The following THSD1 variants were observed in gnomAD, a reference collection of about 807,000 sequenced individuals.
THSD1 encodes the protein thrombospondin type-1 domain-containing protein 1.
In THSD1, 34 loss-of-function variants were observed where a neutral mutation model predicts 46.3. The ratio of observed to expected loss-of-function variants is 0.74; its 90% CI spans 0.56 to 0.98. The LOEUF (loss-of-function observed/expected upper bound fraction) is 0.98, where lower values mean the gene tolerates loss of function less well. THSD1 is among the 50% of genes least tolerant of loss of function. The pLI is 0.00. For missense variants in THSD1, 1,023 were observed against 1,058.3 expected (o/e 0.97, Z 0.46); for synonymous variants, 407 against 416.5 (o/e 0.98, Z 0.28).
chr13:52,380,201 C>A (rs887054285), intron 4 of THSD1, among the ~76,000 whole-genome samples: 1 of 152,104 alleles, frequency 6.6e-6, no homozygotes, highest in African/African-American at 2.4e-5. Context: ...ACCAAAACAC[C>A]TGGAAACCTG....
chr13:52,382,782 C>G (rs948140461), intron 4 of THSD1, among the ~76,000 whole-genome samples: 2 of 152,110 alleles, frequency 1.3e-5, no homozygotes, highest in Non-Finnish European at 2.9e-5. Context: ...GGGTGGATCA[C>G]TTGAGGCCAG....
chr13:52,385,000 T>C (rs1280274260), intron 4 of THSD1, among the ~76,000 whole-genome samples: 1 of 151,894 alleles, frequency 6.6e-6, no homozygotes, highest in Non-Finnish European at 1.5e-5. Flanking sequence ...ACAGAGCCTA[T>C]GATACTGGCT....
chr13:52,396,439 A>G (rs984910670), intron 3 of THSD1, among the ~76,000 whole-genome samples: 8 of 151,988 alleles, frequency 5.3e-5, no homozygotes, highest in Non-Finnish European at 8.8e-5. Context: ...GGAGAATGGC[A>G]TGAACCCGGG....
At chr13:52,382,263 G>C (rs1392044622) in intron 4 of THSD1, among the ~76,000 whole-genome samples, 1 of 152,136 alleles carries the variant, frequency 6.6e-6, no homozygotes, top group Non-Finnish European at 1.5e-5. Context: ...ACAGTTGCCA[G>C]TACTAAAATC....
intron 3 of THSD1, among the ~76,000 whole-genome samples, chr13:52,388,729 C>A (rs1480660625): frequency 6.6e-6 from 1 of 152,170 alleles, no homozygotes; most frequent in African/African-American, 2.4e-5. Flanking sequence ...GATCTGCCCA[C>A]CTCGGCCTCC....
intron 1 of THSD1, among the ~76,000 whole-genome samples, chr13:52,404,089 A>G (rs1957888422): frequency 1.3e-5 from 2 of 152,006 alleles, no homozygotes; most frequent in Admixed American, 6.6e-5. Flanking sequence ...CGGGGATTAT[A>G]GGTGTGCACC....
chr13:52,385,983 T>C, intron 4 of THSD1, 45 bp downstream of exon 4: 1 of 1,582,554 alleles, frequency 6.3e-7, no homozygotes, highest in South Asian at 1.1e-5. Flanking sequence ...TTCCTTCTGA[T>C]GAAGGCTCTG....
In THSD1 at chr13:52,378,545, G is replaced by A. The variant is rs9536043; in HGVS notation, c.1425C>T (p.Arg475=). 82,285 of 1,614,084 alleles carry A rather than the reference G, an allele frequency of 0.051. 2,401 individuals are homozygous for A. Among genetic ancestry groups the A allele is most frequent in the African/African-American group, 0.092 (6,890 of 75,002 alleles). The change falls in exon 5 of 5, where the codon CGC becomes CGT. Residue 475 remains arginine (R), a synonymous_variant. Coordinates refer to ENST00000258613, the MANE Select transcript of THSD1 (RefSeq NM_018676.4). ...EENICELSEQ[R]GSFSDGGDGP... ...CGTCTCCCCCATCCGAGAAGCTCCCGCGCTGCTCGCTCAGCTCGCAGATAT... is the reference window on the plus strand; with the variant it reads ...CGTCTCCCCCATCCGAGAAGCTCCCACGCTGCTCGCTCAGCTCGCAGATAT...
At chr13:52,399,119 T>G (rs1176591539) in intron 2 of THSD1, among the ~76,000 whole-genome samples, 1 of 152,226 alleles carries the variant, frequency 6.6e-6, no homozygotes, top group Non-Finnish European at 1.5e-5. Flanking sequence ...CCTTGGCAAT[T>G]TAATGACATT....
At chr13:52,399,793 G>T (rs1957840066) in intron 2 of THSD1, among the ~76,000 whole-genome samples, 1 of 152,170 alleles carries the variant, frequency 6.6e-6, no homozygotes, top group Non-Finnish European at 1.5e-5. Flanking sequence ...GGCTGATTCT[G>T]GTGCAGCTTG....
chr13:52,386,235 G>C (rs372023350), intron 3 of THSD1, 49 bp from the exon 4 acceptor site: 1 of 1,563,496 alleles, frequency 6.4e-7, no homozygotes, highest in African/African-American at 1.4e-5. Context: ...TTGAGAATCA[G>C]TATTTAACTG....
intron 3 of THSD1, among the ~76,000 whole-genome samples, chr13:52,389,419 A>C (rs1957757046): frequency 6.6e-6 from 1 of 152,228 alleles, no homozygotes; most frequent in African/African-American, 2.4e-5. Context: ...CCAACCATAT[A>C]ATGATAAAAC....
intron 2 of THSD1, 69 bp downstream of exon 2, chr13:52,402,474 A>T (rs1594105360): frequency 6.8e-7 from 1 of 1,469,840 alleles, no homozygotes; most frequent in East Asian, 2.3e-5. Context: ...CATCAACATC[A>T]ATGCATTTAT....
intron 4 of THSD1, among the ~76,000 whole-genome samples, chr13:52,379,654 T>C (rs1380647041): frequency 6.6e-6 from 1 of 152,010 alleles, no homozygotes; most frequent in African/African-American, 2.4e-5. Flanking sequence ...TTTTAATTTT[T>C]AGTAAAAACA....
At chr13:52,390,286 T>C (rs1436744815) in intron 3 of THSD1, among the ~76,000 whole-genome samples, 2 of 152,216 alleles carry the variant, frequency 1.3e-5, no homozygotes, top group South Asian at 2.1e-4. Flanking sequence ...AAACTTCTAA[T>C]GCAGCCAAAG....
chr13:52,377,594 A>G lies in THSD1; in HGVS notation c.2376T>C (p.Pro792=), dbSNP rs1231817164. ...GACACTTGTCTTTTCTACACTGAGA[A>G]GGGCTCAGAGAACTGACCCTCTGGT... ...DNYQRVSSLS[P]SQCRKDKCQS... Residue 792 remains proline, a synonymous_variant, in exon 5 of 5, where the codon CCT becomes CCC. Transcript: ENST00000258613. 1 of 1,602,986 alleles carries G rather than the reference A, an allele frequency of 6.2e-7. No homozygotes were observed. The highest frequency in any genetic ancestry group is 1.3e-5 in the African/African-American group (1 of 74,728).
rs1957643439 is a variant in THSD1 at position 52,377,625 on chromosome 13, T to C, written c.2345A>G (p.Asp782Gly). ...CAGAGAACTGACCCTCTGGTAGTTATCTTTGGGGGATATGGGAGAAGACTG... is the reference window on the plus strand; with the variant it reads ...CAGAGAACTGACCCTCTGGTAGTTACCTTTGGGGGATATGGGAGAAGACTG... Reference protein sequence around the residue: ...RKQSSPISPKDNYQRVSSLSP... With the variant: ...RKQSSPISPKGNYQRVSSLSP... The change falls in exon 5 of 5, where the codon GAT (aspartate) becomes GGT (glycine). Residue 782 changes from aspartate (D) to glycine (G), a missense_variant. Asp to Gly is a moderately conservative substitution (Grantham distance 94). This residue lies in a region of THSD1 where 578 missense variants were observed against 497.4 expected (regional missense o/e 1.16). Transcript: ENST00000258613. The C allele has an allele frequency of 6.2e-7, 1 of 1,609,708 alleles. No homozygotes were observed. Among genetic ancestry groups the C allele is most frequent in the Admixed American group, 1.7e-5 (1 of 59,900 alleles).
chr13:52,384,554 G>A lies in THSD1; in HGVS notation c.1180+1474C>T, dbSNP rs74085750. Among the ~76,000 whole-genome samples the A allele has an allele frequency of 8.9e-3, 1,354 of 152,342 alleles. 18 individuals are homozygous for A. The highest frequency in any genetic ancestry group is 0.031 in the African/African-American group (1,294 of 41,566). ...TACCTACCTTGTGGAATTACGGTGAGCCTTAAGTGAGATAATGTATTTTAA... is the reference window on the plus strand; with the variant it reads ...TACCTACCTTGTGGAATTACGGTGAACCTTAAGTGAGATAATGTATTTTAA... On this transcript the variant is annotated intron_variant, in intron 4 of 4. Transcript: ENST00000258613.
rs374193756 is a variant in THSD1, at chr13:52,377,943, C to A, written c.2027G>T (p.Arg676Leu). 1 of 1,614,024 alleles carries A rather than the reference C, an allele frequency of 6.2e-7. No individual in the cohort carries two copies. The highest frequency in any genetic ancestry group is 1.1e-5 in the South Asian group (1 of 91,084). Residue 676 changes from arginine to leucine, a missense_variant, in exon 5 of 5, where the codon CGG (arginine) becomes CTG (leucine). Around this residue, in one of 3 missense-constraint regions of THSD1, gnomAD observed 578 missense variants for 497.4 expected, o/e 1.16. Coordinates refer to ENST00000258613, the MANE Select transcript of THSD1 (RefSeq NM_018676.4). ...RERSMSTLTP[R>L]QAPAYSSRTR... ...CCTAGAGCTGTAGGCAGGGGCCTGC[C>A]GTGGAGTCAGAGTGGACATGCTCCT... is the stretch of plus-strand genomic sequence containing the variant.
Sources: allele counts gnomAD v4.1 joint callset (sites outside exome capture counted in the v4.1 genomes callset), GRCh38; gene constraint gnomAD v4.1.1; regional missense constraint gnomAD v4.1.1; transcripts MANE v1.5; gene names NCBI Gene and HGNC (gene_info 2026-07-23, HGNC 2026-07-21).